The following SBF2 variants were observed in gnomAD, a reference collection of about 807,000 sequenced individuals.
SBF2 encodes SET binding factor 2.
A neutral mutation model predicts 225.2 loss-of-function variants in SBF2; 112 were observed. That is an observed-to-expected ratio of 0.50 (90% confidence interval 0.43 to 0.58). SBF2 has a LOEUF of 0.58. SBF2 is among the 20% of genes least tolerant of loss of function. The probability of loss-of-function intolerance (pLI) is 0.00; values close to 1 mark genes in which losing one functional copy is unlikely to be tolerated. For missense variants in SBF2, 1,996 were observed against 2,206.2 expected (o/e 0.90, Z 1.91); for synonymous variants, 763 against 773.3 (o/e 0.99, Z 0.22).
intron 16 of SBF2, among the ~76,000 whole-genome samples, chr11:9,926,545 G>A (rs1158054079): frequency 2.6e-5 from 4 of 152,104 alleles, no homozygotes. Flanking sequence ...TTAAAAGCAT[G>A]TTATCTGAAC....
rs372863670 is a variant in SBF2, at chr11:9,948,888, G to T, written c.1860+13069C>A. Among the ~76,000 whole-genome samples, 79 of 152,222 alleles carry T rather than the reference G, an allele frequency of 5.2e-4. 1 individual carries two copies. In the South Asian group the frequency reaches 0.016, roughly 31 times the overall value. On this transcript the variant is annotated intron_variant, in intron 16 of 39. Transcript: ENST00000256190. ...AACTTGGCTACCATTACCCTCAATA[G>T]ATTTACTTATTTGCTTTGTCTTCTG...
At chr11:10,299,800 C>T (rs987646561) in intron 1 of SBF2, among the ~76,000 whole-genome samples, 2 of 152,216 alleles carry the variant, frequency 1.3e-5, no homozygotes, top group African/African-American at 4.8e-5. Flanking sequence ...TCCTTTCTTG[C>T]ACCTTTCTAA....
At chr11:10,252,568 C>G (rs1027067935) in intron 1 of SBF2, among the ~76,000 whole-genome samples, 1 of 152,196 alleles carries the variant, frequency 6.6e-6, no homozygotes. Context: ...CTTTGGGAGG[C>G]CAAGGCGGGC....
At chr11:10,119,625 TTC>T (rs1361480722) in intron 2 of SBF2, among the ~76,000 whole-genome samples, 5 of 152,194 alleles carry the variant, frequency 3.3e-5, no homozygotes, top group Admixed American at 6.5e-5. Context: ...ATTAAAGTGA[TTC>T]TCTGTTTTAA....
rs142702199 is a variant in SBF2, at chr11:10,217,208, A to G, written c.56-23221T>C. The stretch of plus-strand genomic sequence containing the variant: ...AAAAATACAAAATTCCCCATCCTTC[A>G]TATTGGAGAACTAATAGATGCTGTC... On this transcript the variant is annotated intron_variant, in intron 1 of 39. Transcript: ENST00000256190. 3.7e-3 allele frequency among the ~76,000 whole-genome samples: 565 copies of G among 152,314 alleles called. 4 individuals are homozygous for G. Among genetic ancestry groups the G allele is most frequent in the African/African-American group, 0.013 (539 of 41,562 alleles).
At chr11:9,914,696 A>G (rs1862924706) in intron 16 of SBF2, among the ~76,000 whole-genome samples, 2 of 152,210 alleles carry the variant, frequency 1.3e-5, no homozygotes, top group African/African-American at 4.8e-5. Flanking sequence ...GTGAGGCTTC[A>G]CAAAAATCAA....
At chr11:10,189,215 T>A (rs1404087354) in intron 2 of SBF2, among the ~76,000 whole-genome samples, 2 of 152,234 alleles carry the variant, frequency 1.3e-5, no homozygotes, top group African/African-American at 4.8e-5. Context: ...TATACTCACA[T>A]GCAAGAACTT....
At position 9,832,233 on chromosome 11, in the gene SBF2, G is replaced by T; in HGVS notation, c.3643C>A (p.Pro1215Thr). The T allele has an allele frequency of 6.2e-7, 1 of 1,613,992 alleles. No homozygotes were observed. ...ATAGAGAGATGCTTACCGGCCTGAGGGGAGTTCTGAGATTTGAAAAGACCA... is the reference window on the plus strand; with the variant it reads ...ATAGAGAGATGCTTACCGGCCTGAGTGGAGTTCTGAGATTTGAAAAGACCA... Reference protein sequence around the residue: ...VVGLFKSQNSPQAAPTSSLES... With the variant: ...VVGLFKSQNSTQAAPTSSLES... Residue 1215 changes from proline (P) to threonine (T), a missense_variant, in exon 27 of 40, where the codon CCT (proline) becomes ACT (threonine). Pro to Thr is a conservative substitution (Grantham distance 38). Coordinates refer to ENST00000256190, the MANE Select transcript of SBF2 (RefSeq NM_030962.4).
chr11:10,231,460 C>G (rs536304943), intron 1 of SBF2, among the ~76,000 whole-genome samples: 137 of 152,208 alleles, frequency 9.0e-4, no homozygotes, highest in African/African-American at 3.2e-3. Context: ...TGGTCTTTGA[C>G]AATGGTGATG....
intron 1 of SBF2, among the ~76,000 whole-genome samples, chr11:10,194,912 GT>G (rs2135333989): frequency 6.6e-6 from 1 of 152,308 alleles, no homozygotes; most frequent in Admixed American, 6.5e-5. Context: ...ACTGCCCTTT[GT>G]GCCCCAATAA....
At chr11:10,091,186 C>T (rs1053061635) in intron 2 of SBF2, among the ~76,000 whole-genome samples, 4 of 152,088 alleles carry the variant, frequency 2.6e-5, no homozygotes, top group Admixed American at 6.6e-5. Context: ...AAACTATATA[C>T]AATATGAAGC....
At chr11:9,999,174 C>T (rs1444356351) in intron 8 of SBF2, among the ~76,000 whole-genome samples, 4 of 152,014 alleles carry the variant, frequency 2.6e-5, no homozygotes, top group African/African-American at 9.7e-5. Context: ...CTAATTTATT[C>T]ATTACGATTT....
At chr11:9,993,895 T>C in intron 10 of SBF2, 26 bp downstream of exon 10, 1 of 1,456,274 alleles carries the variant, frequency 6.9e-7, no homozygotes. Context: ...TTTAACAGCA[T>C]TAAATTTAAA....
At chr11:10,039,456 A>C (rs1469939393) in intron 3 of SBF2, among the ~76,000 whole-genome samples, 1 of 151,856 alleles carries the variant, frequency 6.6e-6, no homozygotes, top group Non-Finnish European at 1.5e-5. Flanking sequence ...TCTGGCTAGT[A>C]CCTAAGTACA....
chr11:9,785,093 T>C, intron 37 of SBF2, 32 bp downstream of exon 37: 2 of 1,606,090 alleles, frequency 1.2e-6, no homozygotes, highest in Non-Finnish European at 1.7e-6. Context: ...TGGGGAAGTC[T>C]TCAGCACAGC....
chr11:10,165,913 C>T (rs1351465492), intron 2 of SBF2, among the ~76,000 whole-genome samples: 1 of 152,126 alleles, frequency 6.6e-6, no homozygotes, highest in Non-Finnish European at 1.5e-5. Context: ...AGTAACTGTA[C>T]TTTTAGCATA....
chr11:10,041,196 G>A (rs967595654), intron 3 of SBF2, among the ~76,000 whole-genome samples: 1 of 152,026 alleles, frequency 6.6e-6, no homozygotes, highest in African/African-American at 2.4e-5. Context: ...GAAACGAAAG[G>A]CCAATAAAAG....
At position 9,874,069 on chromosome 11, in the gene SBF2, A is replaced by G. The variant is rs893104445; in HGVS notation, c.1930-15673T>C. Reference sequence around the variant, plus strand: ...AGCAAGACTTTGTCTCAAAAAAAAAAAGAGCATATTTCTTTCCTTGTGTGA... The same window carrying G: ...AGCAAGACTTTGTCTCAAAAAAAAAGAGAGCATATTTCTTTCCTTGTGTGA... On this transcript the variant is annotated intron_variant, in intron 17 of 39. Coordinates refer to ENST00000256190, the MANE Select transcript of SBF2 (RefSeq NM_030962.4). Among the ~76,000 whole-genome samples the G allele has an allele frequency of 2.0e-5, 3 of 152,156 alleles. 1 individual carries two copies. Among genetic ancestry groups the G allele is most frequent in the South Asian group, 4.1e-4 (2 of 4,830 alleles).
chr11:10,062,438 C>A (rs1950484551), intron 2 of SBF2, among the ~76,000 whole-genome samples: 1 of 152,172 alleles, frequency 6.6e-6, no homozygotes, highest in South Asian at 2.1e-4. Context: ...GCAAACTATG[C>A]ATCTGACAAA....
Sources: gnomAD v4.1 joint callset for allele counts (sites outside exome capture counted in the v4.1 genomes callset) on GRCh38, gnomAD v4.1.1 for gene constraint, MANE v1.5 for transcripts, NCBI Gene and HGNC (gene_info 2026-07-23, HGNC 2026-07-21) for gene names.